The following SNX16 variants were observed in gnomAD, a reference collection of about 807,000 sequenced individuals.
SNX16 encodes the protein sorting nexin 16, also known as sorting nexin-16.
SNX16 carries 35 observed loss-of-function variants against 36.7 expected under a neutral mutation model. The observed-to-expected ratio is 0.95, with a 90% confidence interval of 0.73 to 1.27. SNX16 has a LOEUF of 1.27. Among genes scored for constraint, SNX16 ranks in the 50% most tolerant of loss-of-function variants. SNX16 has a pLI of 0.00. For synonymous variants in SNX16, 134 were observed against 132.0 expected (o/e 1.02, Z -0.10); for missense variants, 367 against 393.6 (o/e 0.93, Z 0.57).
chr8:81,838,005 CAA>C (rs1387691590), intron 2 of SNX16, among the ~76,000 whole-genome samples: 1 of 152,016 alleles, frequency 6.6e-6, no homozygotes, highest in East Asian at 1.9e-4. Flanking sequence ...ACTAAAAGAA[CAA>C]AGTCTTACCA....
At chr8:81,819,265 C>T (rs1810628502) in intron 4 of SNX16, among the ~76,000 whole-genome samples, 1 of 151,980 alleles carries the variant, frequency 6.6e-6, no homozygotes, top group South Asian at 2.1e-4. Context: ...TGATTAATGA[C>T]ATAATAATTT....
intron 5 of SNX16, chr8:81,807,904 G>T: frequency 1.3e-6 from 1 of 767,442 alleles, no homozygotes; most frequent in Admixed American, 1.7e-5. Context: ...GAACTGTGCG[G>T]TAATGAGAAA....
chr8:81,830,703 A>G (rs1002902624), intron 2 of SNX16, among the ~76,000 whole-genome samples: 1 of 152,214 alleles, frequency 6.6e-6, no homozygotes, highest in East Asian at 1.9e-4. Context: ...AGCAGTCTAT[A>G]GATTCAATGG....
intron 5 of SNX16, among the ~76,000 whole-genome samples, chr8:81,803,594 T>C (rs1329418584): frequency 6.6e-6 from 1 of 152,022 alleles, no homozygotes; most frequent in Non-Finnish European, 1.5e-5. Flanking sequence ...TAGTCATACA[T>C]GATTACACTT....
chr8:81,806,713 C>A lies in SNX16; in HGVS notation c.682-3485G>T, dbSNP rs188969384. The stretch of plus-strand genomic sequence containing the variant: ...CAGAAAAATGAAATGAAAGATATTA[C>A]GTATTAGGAAAAAACACATTGTTAA... On this transcript the variant is annotated intron_variant, in intron 5 of 7. Coordinates refer to ENST00000345957, the MANE Select transcript of SNX16 (RefSeq NM_152836.3). Among the ~76,000 whole-genome samples, 18 of 151,850 alleles carry A rather than the reference C, an allele frequency of 1.2e-4. No homozygotes were observed. The South Asian group carries it at 3.3e-3, about 28-fold the overall frequency.
rs1260355727 is a variant in SNX16 at position 81,821,355 on chromosome 8, A to G, written c.611+2437T>C. On this transcript the variant is annotated intron_variant, in intron 4 of 7. Transcript: ENST00000345957. ...TCTATTATCAGTATTTTAAAAATAG[A>G]GAATTCATTTATAGAATACATTTGA... is the stretch of plus-strand genomic sequence containing the variant. Among the ~76,000 whole-genome samples, 2 of 151,994 alleles carry G rather than the reference A, an allele frequency of 1.3e-5. 1 individual carries two copies. The highest frequency in any genetic ancestry group is 1.3e-4 in the Admixed American group (2 of 15,214).
chr8:81,802,185 CTTTTTATTTTTAAAGTG>C (rs1809731539), intron 7 of SNX16, among the ~76,000 whole-genome samples, 178 bp downstream of exon 7: 1 of 151,546 alleles, frequency 6.6e-6, no homozygotes, highest in South Asian at 2.1e-4. Context: ...GTCAAAGACA[CTTTTTATTTTTAAAGTG>C]TTTTTATTTT....
At chr8:81,803,368 A>G (rs1809794071) in intron 5 of SNX16, 140 bp from the exon 6 acceptor site, 5 of 887,612 alleles carry the variant, frequency 5.6e-6, no homozygotes, top group South Asian at 3.9e-5. Flanking sequence ...ACTCCAAATG[A>G]TTTGTTCTCT....
intron 5 of SNX16, among the ~76,000 whole-genome samples, chr8:81,807,132 GA>G (rs1338471460): frequency 1.4e-4 from 21 of 152,240 alleles, no homozygotes; most frequent in Admixed American, 1.3e-3. Context: ...CAACTTGGAA[GA>G]ATAAGGGCAC....
At chr8:81,818,590 CA>C (rs34544249) in intron 4 of SNX16, among the ~76,000 whole-genome samples, 1 of 152,020 alleles carries the variant, frequency 6.6e-6, no homozygotes, top group Non-Finnish European at 1.5e-5. Context: ...TCTACTTTTT[CA>C]AAAGGCAGAA....
Position 81,828,403 on chromosome 8 carries a change from G to C in SNX16, c.462+1027C>G, listed in dbSNP as rs553984749. Among the ~76,000 whole-genome samples the C allele has an allele frequency of 2.0e-5, 3 of 152,108 alleles. No homozygotes were observed. The East Asian group carries it at 5.8e-4, about 29-fold the overall frequency. On this transcript the variant is annotated intron_variant, in intron 3 of 7. Coordinates refer to ENST00000345957, the MANE Select transcript of SNX16 (RefSeq NM_152836.3). ...TATCTGTGATATTAAGTGTTTTCCA[G>C]GTTTATTGATCATTTATGTTTCTTC...
At chr8:81,808,639 G>A (rs1810082804) in intron 5 of SNX16, 1 of 929,842 alleles carries the variant, frequency 1.1e-6, no homozygotes, top group Admixed American at 1.7e-5. Context: ...GGCCCCCATG[G>A]TGGTGGAGGC....
chr8:81,817,174 A>G (rs1203908326), intron 4 of SNX16, among the ~76,000 whole-genome samples: 1 of 152,196 alleles, frequency 6.6e-6, no homozygotes, highest in East Asian at 1.9e-4. Context: ...GGTCCTGTTT[A>G]ATACTTTCAG....
chr8:81,805,619 T>C (rs532777198), intron 5 of SNX16, among the ~76,000 whole-genome samples: 98 of 152,158 alleles, frequency 6.4e-4, no homozygotes, highest in Non-Finnish European at 9.9e-4. Flanking sequence ...TCAAAAGTCA[T>C]GTGATACTAC....
At chr8:81,812,993 G>T (rs546609416) in intron 5 of SNX16, among the ~76,000 whole-genome samples, 2 of 151,956 alleles carry the variant, frequency 1.3e-5, no homozygotes, top group South Asian at 4.2e-4. Context: ...AATCAAAATG[G>T]CATACTAAAA....
At position 81,820,520 on chromosome 8, in the gene SNX16, A is replaced by C. The variant is rs1214155408; in HGVS notation, c.611+3272T>G. Among the ~76,000 whole-genome samples, 4 of 152,090 alleles carry C rather than the reference A, an allele frequency of 2.6e-5. No homozygotes were observed. The East Asian group carries it at 5.8e-4, about 22-fold the overall frequency. On this transcript the variant is annotated intron_variant, in intron 4 of 7. Transcript: ENST00000345957. Reference sequence around the variant, plus strand: ...AAGATATAATCTCAAAAAATGTAGGAAAGTACTGTGCTAGTTTTTTAATGG... The same window carrying C: ...AAGATATAATCTCAAAAAATGTAGGCAAGTACTGTGCTAGTTTTTTAATGG...
intron 5 of SNX16, among the ~76,000 whole-genome samples, chr8:81,803,680 T>C (rs1487916934): frequency 6.6e-6 from 1 of 152,026 alleles, no homozygotes; most frequent in Non-Finnish European, 1.5e-5. Flanking sequence ...TTTGGTAATC[T>C]TGACACTTGG....
chr8:81,815,174 C>T, intron 5 of SNX16, 151 bp downstream of exon 5: 2 of 494,782 alleles, frequency 4.0e-6, no homozygotes, highest in Non-Finnish European at 6.8e-6. Flanking sequence ...TGAAAGCAAC[C>T]TTTGACTCAA....
intron 4 of SNX16, chr8:81,815,712 TAGTCTAAC>T (rs1354934313): frequency 4.7e-6 from 1 of 214,554 alleles, no homozygotes. Context: ...TAGTCTGAAC[TAGTCTAAC>T]AGTCATTATC....
Sources: allele counts gnomAD v4.1 joint callset (sites outside exome capture counted in the v4.1 genomes callset), GRCh38; gene constraint gnomAD v4.1.1; transcripts MANE v1.5; gene names NCBI Gene and HGNC (gene_info 2026-07-23, HGNC 2026-07-21).